Variants in NUP35 observed in about 807,000 individuals in gnomAD.
NUP35 encodes nucleoporin 35.
In NUP35, 25 loss-of-function variants were observed where a neutral mutation model predicts 41.5. That is an observed-to-expected ratio of 0.60 (90% confidence interval 0.44 to 0.84). The LOEUF is 0.84. Among genes scored for constraint, NUP35 ranks in the 40% least tolerant of loss-of-function variants. The pLI is 0.00. For synonymous variants in NUP35, 149 were observed against 130.7 expected (o/e 1.14, Z -0.96); for missense variants, 396 against 396.6 (o/e 1.00, Z 0.01).
At position 183,141,119 on chromosome 2, in the gene NUP35, GT is replaced by G. The variant is rs71407010; in HGVS notation, c.397+7509del. ...GATTCTATGGACAATCAGCTTCCTT[GT>G]TTTTTTTTTTTTCCTCAGCATCTAG... On this transcript the variant is annotated intron_variant, in intron 4 of 8. Transcript: ENST00000295119. Among the ~76,000 whole-genome samples the G allele has an allele frequency of 6.4e-3, 916 of 144,156 alleles. 3 individuals carry two copies. Among genetic ancestry groups the G allele is most frequent in the Non-Finnish European group, 9.3e-3 (608 of 65,616 alleles). 94.6% of individuals were successfully genotyped at this position (144,156 alleles called of 152,430 possible). A position where few individuals can be genotyped will look rare whatever the true frequency, so the allele number is the denominator to read the frequency against.
chr2:183,130,010 T>C (rs1015646468), intron 2 of NUP35, among the ~76,000 whole-genome samples: 10 of 152,266 alleles, frequency 6.6e-5, no homozygotes, highest in Non-Finnish European at 1.5e-4. Flanking sequence ...TTCAGGAATC[T>C]ACAGACTGGA....
rs537765481 is a variant in NUP35, at chr2:183,132,359, C to T, written c.340-1207C>T. Among the ~76,000 whole-genome samples, 129 of 151,498 alleles carry T rather than the reference C, an allele frequency of 8.5e-4. 1 individual carries two copies. The highest frequency in any genetic ancestry group is 3.0e-3 in the African/African-American group (125 of 41,224). ...CTTGAACCCATGAGTTTGAGATCAG[C>T]TTGGGCTACATGGCGAAACTCTTGT... On this transcript the variant is annotated intron_variant, in intron 3 of 8. Transcript: ENST00000295119.
chr2:183,139,014 ACTC>A (rs1194718909), intron 4 of NUP35, among the ~76,000 whole-genome samples: 3 of 151,760 alleles, frequency 2.0e-5, no homozygotes, highest in East Asian at 3.9e-4. Context: ...CTGATTATGA[ACTC>A]CTTCAAGACA....
chr2:183,138,790 C>CGTT (rs1553531143), intron 4 of NUP35, among the ~76,000 whole-genome samples: 4,920 of 151,708 alleles, frequency 0.032, 97 homozygotes, highest in Non-Finnish European at 0.043. Flanking sequence ...TAACTAGAAT[C>CGTT]ATTTGTGTTA....
intron 4 of NUP35, among the ~76,000 whole-genome samples, chr2:183,143,674 T>C (rs558478011): frequency 6.6e-6 from 1 of 152,156 alleles, no homozygotes. Context: ...TCTAGCTGCC[T>C]GGGATAAGGA....
chr2:183,134,412 A>G (rs1328555180), intron 4 of NUP35, among the ~76,000 whole-genome samples: 1 of 152,170 alleles, frequency 6.6e-6, no homozygotes. Context: ...GGGAGGGGGT[A>G]GAGACTTAGA....
At chr2:183,132,945 T>A (rs1684747155) in intron 3 of NUP35, among the ~76,000 whole-genome samples, 1 of 152,242 alleles carries the variant, frequency 6.6e-6, no homozygotes, top group African/African-American at 2.4e-5. Context: ...AGAATCTGTT[T>A]TAAAAAATCT....
chr2:183,148,329 G>T (rs1371444955), intron 4 of NUP35, among the ~76,000 whole-genome samples: 3 of 152,178 alleles, frequency 2.0e-5, no homozygotes, highest in Non-Finnish European at 4.4e-5. Context: ...CCCAGTAAGA[G>T]AAATTGTTGG....
At chr2:183,121,661 G>C (rs1700068719), upstream of NUP35, among the ~76,000 whole-genome samples, 1 of 151,674 alleles carries the variant, frequency 6.6e-6, no homozygotes, top group Admixed American at 6.6e-5. Context: ...GTAAAACCCT[G>C]TCTGTACTAA....
chr2:183,148,964 T>TC (rs1685371800), intron 4 of NUP35, among the ~76,000 whole-genome samples: 1 of 152,140 alleles, frequency 6.6e-6, no homozygotes, highest in South Asian at 2.1e-4. Context: ...CAGTAGCTTT[T>TC]CCCCCCACCT....
chr2:183,140,576 AT>A, intron 4 of NUP35, among the ~76,000 whole-genome samples: 1 of 152,180 alleles, frequency 6.6e-6, no homozygotes, highest in South Asian at 2.1e-4. Flanking sequence ...AATCCCAGCA[AT>A]TTGGGAGGCC....
At chr2:183,118,440 ATAATAAGCACTTAATATAAC>A (rs1329831862) in intron 1 of NUP35, 1 of 152,256 alleles carries the variant, frequency 6.6e-6, no homozygotes, top group Non-Finnish European at 1.5e-5. Context: ...TCTTCATTTT[ATAATAAGCACTTAATATAAC>A]TAATGTGCAG....
intron 2 of NUP35, among the ~76,000 whole-genome samples, chr2:183,129,527 A>G (rs1046625712): frequency 7.2e-5 from 11 of 152,254 alleles, no homozygotes; most frequent in African/African-American, 2.7e-4. Flanking sequence ...TTCATTTAAC[A>G]TTAAACATTA....
intron 2 of NUP35, among the ~76,000 whole-genome samples, chr2:183,130,214 G>C (rs1684647743): frequency 6.6e-6 from 1 of 152,120 alleles, no homozygotes; most frequent in South Asian, 2.1e-4. Context: ...GAGCTTATTA[G>C]AACTGTATAA....
chr2:183,158,047 A>C (rs142724699), intron 6 of NUP35, among the ~76,000 whole-genome samples: 3 of 45,536 alleles, frequency 6.6e-5, no homozygotes, highest in African/African-American at 1.5e-4. Context: ...TTTACAATAA[A>C]CATATTTTGA....
At chr2:183,137,843 GCT>G (rs1684933548) in intron 4 of NUP35, among the ~76,000 whole-genome samples, 2 of 151,614 alleles carry the variant, frequency 1.3e-5, no homozygotes, top group East Asian at 1.9e-4. Flanking sequence ...CATTTTAGTG[GCT>G]CTCTTAGTTG....
rs7577166 is a variant in NUP35 at position 183,156,810 on chromosome 2, A to G, written c.540-634A>G. 8.6e-3 allele frequency among the ~76,000 whole-genome samples: 1,312 copies of G among 152,278 alleles called. 11 individuals carry two copies. The highest frequency in any genetic ancestry group is 0.024 in the African/African-American group (991 of 41,554). On this transcript the variant is annotated intron_variant, in intron 5 of 8. Transcript: ENST00000295119. ...CAAATTGAAAACAGCTTTATTGTTA[A>G]GACTATAAAAGAATAATATGTCATT...
At chr2:183,122,127 A>C (rs976981393), upstream of NUP35, among the ~76,000 whole-genome samples, 6 of 147,414 alleles carry the variant, frequency 4.1e-5, no homozygotes, top group Admixed American at 2.0e-4. Context: ...GCCAGGCTGG[A>C]GTGCAGTGGC....
intron 4 of NUP35, among the ~76,000 whole-genome samples, chr2:183,139,664 C>T (rs1174473729): frequency 6.6e-6 from 1 of 152,090 alleles, no homozygotes; most frequent in East Asian, 1.9e-4. Flanking sequence ...GGAAGAGAAA[C>T]ATATAGAGGA....
Sources: allele counts gnomAD v4.1 joint callset (sites outside exome capture counted in the v4.1 genomes callset), GRCh38; gene constraint gnomAD v4.1.1; transcripts MANE v1.5; gene names NCBI Gene and HGNC (gene_info 2026-07-23, HGNC 2026-07-21).